Variants in NCAM2 observed in about 807,000 individuals in gnomAD.
NCAM2 encodes N-CAM-2.
In NCAM2, 30 loss-of-function variants were observed where a neutral mutation model predicts 98.1. The ratio of observed to expected loss-of-function variants is 0.31; its 90% confidence interval spans 0.23 to 0.41. The LOEUF (loss-of-function observed/expected upper bound fraction) is 0.41. NCAM2 is among the 10% of genes least tolerant of loss of function. The pLI, the probability that NCAM2 is intolerant of heterozygous loss-of-function variation, is 1.00. For missense variants in NCAM2, 867 were observed against 1,005.8 expected (o/e 0.86, Z 1.87); for synonymous variants, 368 against 342.4 (o/e 1.07, Z -0.83).
chr21:21,446,769 A>G (rs1034250846), intron 12 of NCAM2, among the ~76,000 whole-genome samples: 4 of 152,126 alleles, frequency 2.6e-5, no homozygotes, highest in Non-Finnish European at 5.9e-5. Context: ...AGACAAGCAG[A>G]GAGCCAAATC....
chr21:21,296,955 TTC>T (rs1268373797), intron 5 of NCAM2, among the ~76,000 whole-genome samples: 7 of 151,816 alleles, frequency 4.6e-5, no homozygotes, highest in Middle Eastern at 3.4e-3. Flanking sequence ...ACTGCTTATG[TTC>T]TCTGTGTTAA....
intron 1 of NCAM2, among the ~76,000 whole-genome samples, chr21:21,107,042 A>G (rs2066363509): frequency 6.6e-6 from 1 of 152,134 alleles, no homozygotes; most frequent in Non-Finnish European, 1.5e-5. Flanking sequence ...TCAAATCTAA[A>G]ATCAGTAAGA....
At chr21:21,281,209 G>GA (rs2072917219) in intron 2 of NCAM2, among the ~76,000 whole-genome samples, 1 of 151,982 alleles carries the variant, frequency 6.6e-6, no homozygotes, top group Non-Finnish European at 1.5e-5. Context: ...CATTTATTTT[G>GA]AAAATACCTT....
chr21:21,283,636 C>T (rs2073001328), intron 2 of NCAM2, among the ~76,000 whole-genome samples: 1 of 151,772 alleles, frequency 6.6e-6, no homozygotes, highest in Non-Finnish European at 1.5e-5. Context: ...CGGTCGTTGG[C>T]CTTATCTATT....
At chr21:21,181,326 G>A (rs1479479702) in intron 1 of NCAM2, among the ~76,000 whole-genome samples, 3 of 151,706 alleles carry the variant, frequency 2.0e-5, no homozygotes, top group African/African-American at 7.3e-5. Context: ...TCTCTTTACC[G>A]ACTTACCATT....
chr21:21,193,845 CAT>C (rs1453349521), intron 1 of NCAM2, among the ~76,000 whole-genome samples: 1 of 152,060 alleles, frequency 6.6e-6, no homozygotes, highest in East Asian at 1.9e-4. Flanking sequence ...AAATTCCCAA[CAT>C]ATTGTTATTC....
At chr21:21,242,821 T>C (rs1026987724) in intron 1 of NCAM2, among the ~76,000 whole-genome samples, 1 of 152,214 alleles carries the variant, frequency 6.6e-6, no homozygotes, top group Non-Finnish European at 1.5e-5. Flanking sequence ...TGTTATCCAT[T>C]TCTTTGTTAT....
intron 16 of NCAM2, among the ~76,000 whole-genome samples, chr21:21,519,570 TTG>T (rs888655650): frequency 1.2e-4 from 4 of 32,716 alleles, no homozygotes; most frequent in Admixed American, 8.7e-4. Context: ...ACCCTGTTAT[TTG>T]TTAATTTGTC....
intron 15 of NCAM2, among the ~76,000 whole-genome samples, chr21:21,483,487 C>T (rs922723723): frequency 6.6e-6 from 1 of 151,896 alleles, no homozygotes; most frequent in Admixed American, 6.6e-5. Flanking sequence ...TTGATCACCT[C>T]AACTCTAGTT....
intron 1 of NCAM2, among the ~76,000 whole-genome samples, chr21:21,080,250 AT>A (rs913500655): frequency 6.6e-6 from 1 of 152,198 alleles, no homozygotes; most frequent in Non-Finnish European, 1.5e-5. Flanking sequence ...ATTACATCAC[AT>A]TAAAGCTATT....
At chr21:21,095,566 ATAAG>A (rs2066104737) in intron 1 of NCAM2, among the ~76,000 whole-genome samples, 2 of 151,752 alleles carry the variant, frequency 1.3e-5, no homozygotes, top group Admixed American at 6.6e-5. Flanking sequence ...TGGAGGAAAA[ATAAG>A]TAAGTGAGGC....
chr21:21,260,930 TACTC>T lies in NCAM2; in HGVS notation c.56-19646_56-19643del, dbSNP rs143831302. On this transcript the variant is annotated intron_variant, in intron 1 of 17. Transcript: ENST00000400546. ...GATTGGCAAATTGGATTAAAAAAAATACTCAACCACCATCTTTTGCCTTCAAGAG... is the reference window on the plus strand; with the variant it reads ...GATTGGCAAATTGGATTAAAAAAAATAACCACCATCTTTTGCCTTCAAGAG... 2.4e-3 allele frequency among the ~76,000 whole-genome samples: 369 copies of T among 152,174 alleles called. 3 individuals carry two copies. Among genetic ancestry groups the T allele is most frequent in the African/African-American group, 8.7e-3 (362 of 41,544 alleles).
chr21:21,182,188 T>G (rs543302118), intron 1 of NCAM2, among the ~76,000 whole-genome samples: 2 of 152,292 alleles, frequency 1.3e-5, no homozygotes, highest in African/African-American at 4.8e-5. Context: ...ATGAAATATT[T>G]AACAAATATA....
chr21:21,191,238 C>G (rs1245023652), intron 1 of NCAM2, among the ~76,000 whole-genome samples: 1 of 152,048 alleles, frequency 6.6e-6, no homozygotes, highest in Non-Finnish European at 1.5e-5. Context: ...TTGAAATGAC[C>G]TGATTCTCAA....
chr21:21,150,837 G>GT (rs2067426623), intron 1 of NCAM2, among the ~76,000 whole-genome samples: 1 of 151,864 alleles, frequency 6.6e-6, no homozygotes, highest in South Asian at 2.1e-4. Flanking sequence ...AGTGTTCTCT[G>GT]TTGATTTTAA....
intron 1 of NCAM2, among the ~76,000 whole-genome samples, chr21:21,090,492 G>A (rs1218553756): frequency 6.6e-6 from 1 of 152,084 alleles, no homozygotes; most frequent in Non-Finnish European, 1.5e-5. Flanking sequence ...AAAAAAGCAA[G>A]CATTGCCATC....
At chr21:21,096,752 G>T (rs7280227) in intron 1 of NCAM2, among the ~76,000 whole-genome samples, 33,463 of 151,432 alleles carry the variant, frequency 0.22, 4,338 homozygotes, top group African/African-American at 0.36. Context: ...ATGTTTTTGT[G>T]TGTGTGTGTG....
chr21:21,028,344 A>T (rs2064597462), intron 1 of NCAM2, among the ~76,000 whole-genome samples: 1 of 152,260 alleles, frequency 6.6e-6, no homozygotes, highest in Admixed American at 6.5e-5. Flanking sequence ...TAATGTTAAA[A>T]TCATAATCCG....
Position 21,338,457 on chromosome 21 carries a change from G to A in NCAM2, c.967G>A (p.Asp323Asn), listed in dbSNP as rs2074938290. 1 of 1,612,784 alleles carries A rather than the reference G, an allele frequency of 6.2e-7. No individual in the cohort carries two copies. The highest frequency in any genetic ancestry group is 1.3e-5 in the African/African-American group (1 of 74,848). ...YENGQVTLVC[D>N]AEGEPIPEIT... ...GAATGGTCAAGTCACACTCGTATGTGATGCGGAAGGGGAGCCTATTCCAGA... is the reference window on the plus strand; with the variant it reads ...GAATGGTCAAGTCACACTCGTATGTAATGCGGAAGGGGAGCCTATTCCAGA... Residue 323 changes from aspartate to asparagine, a missense_variant, in exon 8 of 18, where the codon GAT becomes AAT. Transcript: ENST00000400546.
Sources: gnomAD v4.1 joint callset for allele counts (sites outside exome capture counted in the v4.1 genomes callset) on GRCh38, gnomAD v4.1.1 for gene constraint, MANE v1.5 for transcripts, NCBI Gene and HGNC (gene_info 2026-07-23, HGNC 2026-07-21) for gene names.